Variants in GALNTL6 observed in about 807,000 individuals in gnomAD.
GALNTL6 encodes polypeptide N-acetylgalactosaminyltransferase like 6.
A neutral mutation model predicts 73.7 loss-of-function variants in GALNTL6; 46 were observed. The observed-to-expected ratio is 0.62, with a 90% confidence interval of 0.49 to 0.80. The LOEUF is 0.80. GALNTL6 is among the 30% of genes least tolerant of loss of function. The probability of loss-of-function intolerance (pLI) is 0.00; values close to 1 mark genes in which losing one functional copy is unlikely to be tolerated. For missense variants in GALNTL6, 604 were observed against 755.0 expected (o/e 0.80, Z 2.34); for synonymous variants, 259 against 263.7 (o/e 0.98, Z 0.17).
intron 3 of GALNTL6, among the ~76,000 whole-genome samples, chr4:172,234,561 T>C (rs1310475277): frequency 1.3e-5 from 2 of 152,178 alleles, no homozygotes; most frequent in Non-Finnish European, 2.9e-5. Flanking sequence ...TTTTGTTCAT[T>C]TGCATTTATT....
intron 4 of GALNTL6, among the ~76,000 whole-genome samples, chr4:172,312,004 A>T (rs776892330): frequency 6.6e-6 from 1 of 152,178 alleles, no homozygotes; most frequent in Non-Finnish European, 1.5e-5. Flanking sequence ...CATTAACATA[A>T]AATATTTTAA....
intron 2 of GALNTL6, among the ~76,000 whole-genome samples, chr4:172,173,015 A>G (rs1734882047): frequency 6.6e-6 from 1 of 152,204 alleles, no homozygotes; most frequent in Middle Eastern, 3.2e-3. Context: ...TCCTTTGCCC[A>G]CATCATAGCA....
At chr4:172,311,775 T>G (rs776208083) in intron 4 of GALNTL6, 23 bp downstream of exon 4, 1 of 1,500,018 alleles carries the variant, frequency 6.7e-7, no homozygotes, top group Non-Finnish European at 8.9e-7. Context: ...ATATCAGTGA[T>G]CAGGGTGGGT....
intron 5 of GALNTL6, among the ~76,000 whole-genome samples, chr4:172,760,468 CT>C (rs1422968187): frequency 6.6e-6 from 1 of 152,202 alleles, no homozygotes; most frequent in African/African-American, 2.4e-5. Context: ...ACAAGTCCCC[CT>C]GGCTCCTTTG....
intron 5 of GALNTL6, among the ~76,000 whole-genome samples, chr4:172,542,468 G>A (rs1169767798): frequency 6.6e-6 from 1 of 152,014 alleles, no homozygotes; most frequent in Non-Finnish European, 1.5e-5. Flanking sequence ...AAGACTTACC[G>A]AGGACTCCTA....
intron 2 of GALNTL6, among the ~76,000 whole-genome samples, chr4:172,013,904 A>C (rs1741100611): frequency 7.7e-6 from 1 of 129,908 alleles, no homozygotes. Context: ...CCATCCTTCT[A>C]CTCTATACCT....
At chr4:172,057,037 T>C (rs1242349097) in intron 2 of GALNTL6, among the ~76,000 whole-genome samples, 2 of 152,218 alleles carry the variant, frequency 1.3e-5, no homozygotes, top group African/African-American at 4.8e-5. Context: ...GAACTGTTAC[T>C]TCAATCTTTA....
intron 5 of GALNTL6, among the ~76,000 whole-genome samples, chr4:172,610,993 A>T (rs1430954610): frequency 6.6e-6 from 1 of 152,110 alleles, no homozygotes; most frequent in Non-Finnish European, 1.5e-5. Flanking sequence ...GTCTGAAATT[A>T]GAATAGCAAT....
In GALNTL6 at chr4:172,111,966, TG is replaced by T. The variant is rs1398413492; in HGVS notation, c.139-117687del. 4.6e-5 allele frequency among the ~76,000 whole-genome samples: 7 copies of T among 152,188 alleles called. No homozygotes were observed. The East Asian group carries it at 1.4e-3, about 29-fold the overall frequency. ...CCTTAGTTCACATTAGGTTTCACTCTGGGTGTTTTATGTACTATAGGCTTGC... is the reference window on the plus strand; with the variant it reads ...CCTTAGTTCACATTAGGTTTCACTCTGGTGTTTTATGTACTATAGGCTTGC... On this transcript the variant is annotated intron_variant, in intron 2 of 12. Coordinates refer to ENST00000506823, the MANE Select transcript of GALNTL6 (RefSeq NM_001034845.3).
Position 172,952,085 on chromosome 4 carries a change from A to AGGCATCTCTCCACGGGGGACATC in GALNTL6, c.1198_1199insGGCATCTCTCCACGGGGGACATC (p.Ile400ArgfsTer87). The AGGCATCTCTCCACGGGGGACATC allele has an allele frequency of 1.9e-6, 3 of 1,614,098 alleles. No individual in the cohort carries two copies. The South Asian group carries it at 3.3e-5, about 18-fold the overall frequency. On this transcript the variant is annotated frameshift_variant, in exon 10 of 13. Transcript: ENST00000506823. LOFTEE classifies it high-confidence loss of function. ...CTGGATGGATGAATTTGCCGAGTAC[A>AGGCATCTCTCCACGGGGGACATC]TTTACCAGCGGCGGCCGGAGTACAG...
intron 5 of GALNTL6, among the ~76,000 whole-genome samples, chr4:172,736,741 C>A (rs1453559794): frequency 6.6e-6 from 1 of 152,184 alleles, no homozygotes; most frequent in East Asian, 1.9e-4. Context: ...ATTTGGGGAA[C>A]TAATAAATGT....
chr4:172,214,458 A>G (rs965939830), intron 2 of GALNTL6, among the ~76,000 whole-genome samples: 2 of 150,800 alleles, frequency 1.3e-5, no homozygotes, highest in Admixed American at 1.3e-4. Flanking sequence ...AATTGGTTCA[A>G]TTTCATTACA....
chr4:172,054,661 C>A (rs937568476), intron 2 of GALNTL6, among the ~76,000 whole-genome samples: 7 of 152,064 alleles, frequency 4.6e-5, no homozygotes, highest in Admixed American at 1.3e-4. Context: ...ATCTTCATCC[C>A]CAAATATTAT....
chr4:172,811,313 G>C (rs531530856), intron 6 of GALNTL6, among the ~76,000 whole-genome samples: 1 of 152,334 alleles, frequency 6.6e-6, no homozygotes, highest in South Asian at 2.1e-4. Flanking sequence ...CTGGATAAGA[G>C]TGAAAAGGAA....
intron 2 of GALNTL6, among the ~76,000 whole-genome samples, chr4:171,862,607 C>T (rs868625670): frequency 9.2e-5 from 14 of 151,696 alleles, no homozygotes; most frequent in South Asian, 2.1e-4. Flanking sequence ...TTTTTTTAAA[C>T]GTAAATGACT....
chr4:172,628,401 T>C (rs916208897), intron 5 of GALNTL6, among the ~76,000 whole-genome samples: 3 of 151,882 alleles, frequency 2.0e-5, no homozygotes, highest in Non-Finnish European at 4.4e-5. Flanking sequence ...TCAAAATATT[T>C]AACCTTGGAT....
At chr4:171,917,283 C>CA (rs544905069) in intron 2 of GALNTL6, among the ~76,000 whole-genome samples, 206 of 145,042 alleles carry the variant, frequency 1.4e-3, no homozygotes, top group African/African-American at 3.7e-3. Context: ...GCAAACCAAA[C>CA]AAAAAAAAAA....
At chr4:172,075,407 T>A (rs1731670372) in intron 2 of GALNTL6, among the ~76,000 whole-genome samples, 1 of 152,168 alleles carries the variant, frequency 6.6e-6, no homozygotes, top group South Asian at 2.1e-4. Context: ...CGATCTCGGC[T>A]CACTGCAAGC....
intron 2 of GALNTL6, among the ~76,000 whole-genome samples, chr4:172,084,556 G>A (rs558395527): frequency 7.2e-5 from 11 of 152,256 alleles, no homozygotes; most frequent in South Asian, 4.1e-4. Flanking sequence ...TGCTCTTGAC[G>A]GAAGAGGTCT....
Sources: allele counts gnomAD v4.1 joint callset (sites outside exome capture counted in the v4.1 genomes callset), GRCh38; gene constraint gnomAD v4.1.1; transcripts MANE v1.5; gene names NCBI Gene and HGNC (gene_info 2026-07-23, HGNC 2026-07-21).